The following RASA3 variants were observed in gnomAD, a reference collection of about 807,000 sequenced individuals.
The protein encoded by RASA3 is ras GTPase-activating protein 3.
Under a neutral mutation model 110.0 loss-of-function variants are expected in RASA3, and 73 were observed. The ratio of observed to expected loss-of-function variants is 0.66; its 90% CI spans 0.55 to 0.81. The LOEUF (loss-of-function observed/expected upper bound fraction) is 0.81. RASA3 is among the 30% of genes least tolerant of loss of function. The pLI, the probability that RASA3 is intolerant of heterozygous loss-of-function variation, is 0.00. For synonymous variants in RASA3, 500 were observed against 451.4 expected (o/e 1.11, Z -1.37); for missense variants, 976 against 1,113.2 (o/e 0.88, Z 1.75).
At chr13:114,013,978 A>C (rs1342091349) in intron 14 of RASA3, among the ~76,000 whole-genome samples, 246 of 41,678 alleles carry the variant, frequency 5.9e-3, no homozygotes, top group Middle Eastern at 0.019. Flanking sequence ...CTCCGTCTCG[A>C]TCTCTCTCTC....
chr13:114,012,630 T>C, intron 15 of RASA3, among the ~76,000 whole-genome samples: 2 of 106,254 alleles, frequency 1.9e-5, no homozygotes, highest in Non-Finnish European at 4.0e-5. Flanking sequence ...CACTCCTCAT[T>C]CCACACACAC....
At position 114,029,819 on chromosome 13, in the gene RASA3, G is replaced by A. The variant is rs1029478638; in HGVS notation, c.441C>T (p.Leu147=). The change falls in exon 5 of 24, where the codon CTC becomes CTT. Residue 147 remains leucine, a synonymous_variant. Coordinates refer to ENST00000334062, the MANE Select transcript of RASA3 (RefSeq NM_007368.4). ...GTGAGGACGTGTCTTACCGTGTGGCGAGCTTGTGGCAGACGACCCCAGTGT... is the reference window on the plus strand; with the variant it reads ...GTGAGGACGTGTCTTACCGTGTGGCAAGCTTGTGGCAGACGACCCCAGTGT... ...ITDTGVVCHK[L]ATRIVECQGL... 15 of 1,592,232 alleles carry A rather than the reference G, an allele frequency of 9.4e-6. No individual in the cohort carries two copies. The highest frequency in any genetic ancestry group is 4.6e-5 in the South Asian group (4 of 87,478).
chr13:114,065,228 G>T lies in RASA3; in HGVS notation c.173+8492C>A, dbSNP rs1453452220. 2.0e-5 allele frequency among the ~76,000 whole-genome samples: 3 copies of T among 152,212 alleles called. No individual in the cohort carries two copies. The highest frequency in any genetic ancestry group is 4.4e-5 in the Non-Finnish European group (3 of 68,036). The stretch of plus-strand genomic sequence containing the variant: ...CCCTGAGTCACTTCCCAGCATCTGC[G>T]CAAGGCTGGCGCTGCCCCATCCCGC... On this transcript the variant is annotated intron_variant, in intron 2 of 23. Coordinates refer to ENST00000334062, the MANE Select transcript of RASA3 (RefSeq NM_007368.4). This position sits in a 1 kb window ranked among gnomAD's most constrained non-coding sequence, Gnocchi z 4.1.
chr13:114,088,827 G>A (rs891610152), intron 1 of RASA3, among the ~76,000 whole-genome samples: 2 of 152,214 alleles, frequency 1.3e-5, no homozygotes, highest in Non-Finnish European at 2.9e-5. Context: ...TGGGATTACA[G>A]GCGTGAGCCA....
At chr13:114,015,079 T>C (rs1306695933) in intron 14 of RASA3, 130 bp downstream of exon 14, 2 of 1,277,062 alleles carry the variant, frequency 1.6e-6, no homozygotes, top group Non-Finnish European at 2.2e-6. Context: ...AAATCCAGCA[T>C]CGGAACTGGG....
intron 22 of RASA3, 69 bp downstream of exon 22, chr13:113,992,416 A>G: frequency 1.6e-6 from 2 of 1,260,218 alleles, no homozygotes; most frequent in South Asian, 2.4e-5. Context: ...ACCCCACAGC[A>G]TGCTCCTGAG....
At chr13:114,103,453 G>A (rs2080084990) in intron 1 of RASA3, among the ~76,000 whole-genome samples, 1 of 152,080 alleles carries the variant, frequency 6.6e-6, no homozygotes, top group Non-Finnish European at 1.5e-5. Context: ...GGGGGGACGG[G>A]GGACACAGAA....
At chr13:114,040,212 C>CACGCACAACCCAA (rs2054369271) in intron 4 of RASA3, among the ~76,000 whole-genome samples, 1 of 152,198 alleles carries the variant, frequency 6.6e-6, no homozygotes, top group African/African-American at 2.4e-5. Flanking sequence ...AGTGGGCGAA[C>CACGCACAACCCAA]AGACACAATG....
chr13:114,037,138 T>C (rs2139437000), intron 4 of RASA3, among the ~76,000 whole-genome samples: 1 of 152,270 alleles, frequency 6.6e-6, no homozygotes, highest in African/African-American at 2.4e-5. Context: ...CGGGCGTTAA[T>C]TATGAGATTC....
In RASA3 at chr13:114,096,788, C is replaced by CT. The variant is rs2139721291; in HGVS notation, c.56-22952_56-22951insA. On this transcript the variant is annotated intron_variant, in intron 1 of 23. Coordinates refer to ENST00000334062, the MANE Select transcript of RASA3 (RefSeq NM_007368.4). This position sits in a 1 kb window ranked among gnomAD's most constrained non-coding sequence, Gnocchi z 5.1. ...CCGAATGAAGCACTGACCCTTCAGC[C>CT]AGGCTCTGGAGCCCCTACAAGCAAC... Among the ~76,000 whole-genome samples, 1 of 152,280 alleles carries CT rather than the reference C, an allele frequency of 6.6e-6. No individual in the cohort carries two copies. The highest frequency in any genetic ancestry group is 2.1e-4 in the South Asian group (1 of 4,824).
chr13:113,992,586 C>T lies in RASA3; in HGVS notation c.2144G>A (p.Gly715Asp), dbSNP rs2053144717. 2.5e-6 allele frequency: 4 copies of T among 1,611,644 alleles called. No homozygotes were observed. The highest frequency in any genetic ancestry group is 3.4e-6 in the Non-Finnish European group (4 of 1,178,550). The change falls in exon 22 of 24, where the codon GGC becomes GAC. Residue 715 changes from glycine (G) to aspartate (D), a missense_variant and splice_region_variant. Around this residue, in one of 4 missense-constraint regions of RASA3, gnomAD observed 3 missense variants for 18.1 expected, o/e 0.17. Transcript: ENST00000334062. ...GTCCAGCTGGATGTTGGCTGGGAGG[C>T]CGCTGTCCAGACACAGCAAGAACAG... ...SAPGCSPCTG[G>D]LPANIQLDID...
At position 114,017,317 on chromosome 13, in the gene RASA3, C is replaced by A; in HGVS notation, c.1126G>T (p.Ala376Ser). ...PNTIFRGNSLASKCIDETMKL... is the reference protein window; with the variant it reads ...PNTIFRGNSLSSKCIDETMKL... ...ATGGTCTCGTCGATGCACTTGGACGCCAGTGAGTTTCCTCGGAAGATGGTG... is the reference window on the plus strand; with the variant it reads ...ATGGTCTCGTCGATGCACTTGGACGACAGTGAGTTTCCTCGGAAGATGGTG... The change falls in exon 12 of 24, where the codon GCG (alanine) becomes TCG (serine). Residue 376 changes from alanine (A) to serine (S), a missense_variant. Ala to Ser is a moderately conservative substitution (Grantham distance 99). Transcript: ENST00000334062. 6.2e-7 allele frequency: 1 copy of A among 1,614,010 alleles called. No individual in the cohort carries two copies. The highest frequency in any genetic ancestry group is 1.1e-5 in the South Asian group (1 of 91,090).
chr13:114,052,435 G>A (rs2079160892), intron 2 of RASA3, among the ~76,000 whole-genome samples: 1 of 152,222 alleles, frequency 6.6e-6, no homozygotes, highest in Non-Finnish European at 1.5e-5. Context: ...GCCACTGCCA[G>A]AATGACTTCC....
Position 114,073,754 on chromosome 13 carries a change from C to T in RASA3, c.139G>A (p.Val47Ile), listed in dbSNP as rs2079619121. 6.2e-7 allele frequency: 1 copy of T among 1,614,222 alleles called. No individual in the cohort carries two copies. Among genetic ancestry groups the T allele is most frequent in the Non-Finnish European group, 8.5e-7 (1 of 1,180,038 alleles). ...TTTTCCACAATTTTGGTCCTGAAAA[C>T]CTCCTCCTGGTCCAGGTTCACCGTG... ...YCTVNLDQEE[V>I]FRTKIVEKSL... Residue 47 changes from valine to isoleucine, a missense_variant, in exon 2 of 24, where the codon GTT becomes ATT. Transcript: ENST00000334062.
rs1489549167 is a variant in RASA3 at position 114,112,023 on chromosome 13, A to G, written c.55+20412T>C. Among the ~76,000 whole-genome samples, 1 of 152,108 alleles carries G rather than the reference A, an allele frequency of 6.6e-6. No homozygotes were observed. Among genetic ancestry groups the G allele is most frequent in the East Asian group, 1.9e-4 (1 of 5,184 alleles). On this transcript the variant is annotated intron_variant, in intron 1 of 23. Transcript: ENST00000334062. This position sits in a 1 kb window ranked among gnomAD's most constrained non-coding sequence, Gnocchi z 4.8. ...CTGTAGCGGAAGAGACAAAAGCAAA[A>G]GGCAGATTCGCCCCTTTGTGTGGTC...
intron 1 of RASA3, among the ~76,000 whole-genome samples, chr13:114,124,418 C>T (rs1277944718): frequency 6.6e-6 from 1 of 152,234 alleles, no homozygotes; most frequent in Non-Finnish European, 1.5e-5. Context: ...GACCAATAAC[C>T]CATGGGGAAA....
chr13:114,001,621 G>A (rs1165783438), intron 18 of RASA3, among the ~76,000 whole-genome samples: 1 of 150,724 alleles, frequency 6.6e-6, no homozygotes, highest in Non-Finnish European at 1.5e-5. Flanking sequence ...CGGGGTCAGG[G>A]CGGGCAGTGG....
chr13:114,025,977 A>G (rs1315093347), intron 7 of RASA3, among the ~76,000 whole-genome samples: 1 of 152,222 alleles, frequency 6.6e-6, no homozygotes, highest in Non-Finnish European at 1.5e-5. Context: ...CAGAGCCCAA[A>G]GAGCAGGGCC....
intron 1 of RASA3, among the ~76,000 whole-genome samples, chr13:114,132,213 G>A (rs2080529781): frequency 6.6e-6 from 1 of 152,158 alleles, no homozygotes; most frequent in African/African-American, 2.4e-5. Context: ...GGCGCAGGGA[G>A]CCGCGTTACC....
Sources: allele counts gnomAD v4.1 joint callset (sites outside exome capture counted in the v4.1 genomes callset), GRCh38; gene constraint gnomAD v4.1.1; regional missense constraint gnomAD v4.1.1; non-coding constraint Gnocchi (gnomAD v3.1); transcripts MANE v1.5; gene names NCBI Gene and HGNC (gene_info 2026-07-23, HGNC 2026-07-21).